The following EVA1A variants were observed in gnomAD, a reference collection of about 807,000 sequenced individuals.
The protein encoded by EVA1A is eva-1 homolog A, regulator of programmed cell death, also known as protein eva-1 homolog A.
In EVA1A, 7 loss-of-function variants were observed where a neutral mutation model predicts 9.8. That is an observed-to-expected ratio of 0.71 (90% CI 0.41 to 1.34). The LOEUF is 1.34. Among genes scored for constraint, EVA1A ranks in the 40% most tolerant of loss-of-function variants. The pLI is 0.01. For missense variants in EVA1A, 206 were observed against 205.9 expected (o/e 1.00, Z 0.00); for synonymous variants, 90 against 85.6 (o/e 1.05, Z -0.28).
chr2:75,524,108 C>T (rs1226251197), intron 1 of EVA1A: 10 of 152,832 alleles, frequency 6.5e-5, no homozygotes, highest in African/African-American at 2.4e-4. Context: ...ATGTTTGCTT[C>T]CCCTTCCACC....
At chr2:75,497,196 TTAAAC>T (rs1447081027) in intron 3 of EVA1A, among the ~76,000 whole-genome samples, 1 of 152,148 alleles carries the variant, frequency 6.6e-6, no homozygotes, top group Non-Finnish European at 1.5e-5. Flanking sequence ...TAGGATCTAA[TTAAAC>T]TAAAGAGCCT....
intron 2 of EVA1A, among the ~76,000 whole-genome samples, chr2:75,519,576 G>C (rs1675163568): frequency 6.6e-6 from 1 of 152,112 alleles, no homozygotes; most frequent in African/African-American, 2.4e-5. Flanking sequence ...ACTTTGAAAA[G>C]AGACTGGCTG....
intron 3 of EVA1A, among the ~76,000 whole-genome samples, chr2:75,514,544 A>C (rs767132020): frequency 1.3e-5 from 2 of 152,140 alleles, no homozygotes; most frequent in Non-Finnish European, 2.9e-5. Flanking sequence ...TGTTATTAAA[A>C]ATACAGTTAA....
intron 3 of EVA1A, among the ~76,000 whole-genome samples, chr2:75,499,972 T>C (rs1157666110): frequency 6.6e-6 from 1 of 152,238 alleles, no homozygotes; most frequent in Non-Finnish European, 1.5e-5. Context: ...TGTTCTTTCC[T>C]ATATTGGATC....
At chr2:75,518,317 G>T in intron 2 of EVA1A, 109 bp from the exon 3 acceptor site, 1 of 1,203,476 alleles carries the variant, frequency 8.3e-7, no homozygotes, top group Non-Finnish European at 1.1e-6. Context: ...TGATTTGCAG[G>T]TGTCCTTTGG....
chr2:75,559,697 T>TGGGGGGGGGGG (rs36059976), intron 1 of EVA1A, among the ~76,000 whole-genome samples: 1 of 78,786 alleles, frequency 1.3e-5, no homozygotes, highest in Non-Finnish European at 2.3e-5. Flanking sequence ...AGAAAGGAGG[T>TGGGGGGGGGGG]GGGGGGGGGG....
At chr2:75,558,274 C>T (rs943512365) in intron 1 of EVA1A, among the ~76,000 whole-genome samples, 7 of 152,142 alleles carry the variant, frequency 4.6e-5, no homozygotes, top group East Asian at 3.8e-4. Flanking sequence ...AGAGAAGGTA[C>T]GCTATTTCTT....
intron 1 of EVA1A, among the ~76,000 whole-genome samples, chr2:75,532,003 C>CA (rs201331053): frequency 0.027 from 4,121 of 151,568 alleles, 195 homozygotes; most frequent in African/African-American, 0.094. Flanking sequence ...ACTAAAAATA[C>CA]AAAAAAATTA....
chr2:75,565,731 A>G (rs1281362143), upstream of EVA1A, among the ~76,000 whole-genome samples: 2 of 152,234 alleles, frequency 1.3e-5, no homozygotes, highest in Non-Finnish European at 2.9e-5. Flanking sequence ...TGTAAAGCAA[A>G]TAATGAAAGA....
intron 3 of EVA1A, among the ~76,000 whole-genome samples, chr2:75,513,083 T>G (rs964630072): frequency 6.2e-4 from 94 of 152,280 alleles, no homozygotes; most frequent in African/African-American, 2.2e-3. Flanking sequence ...CAGCAGCCAT[T>G]TGGCAGCCAT....
chr2:75,523,168 C>A (rs1362910663), intron 1 of EVA1A, among the ~76,000 whole-genome samples: 4 of 152,226 alleles, frequency 2.6e-5, no homozygotes, highest in Non-Finnish European at 5.9e-5. Flanking sequence ...TGGCTTCCGA[C>A]TTCTGCTTAT....
At chr2:75,499,890 G>A (rs1177671694) in intron 3 of EVA1A, among the ~76,000 whole-genome samples, 1 of 152,166 alleles carries the variant, frequency 6.6e-6, no homozygotes, top group Admixed American at 6.5e-5. Flanking sequence ...GTGGGAACAT[G>A]TGCCTAAGAG....
At chr2:75,503,208 T>G (rs1241677799) in intron 3 of EVA1A, among the ~76,000 whole-genome samples, 3 of 152,154 alleles carry the variant, frequency 2.0e-5, no homozygotes, top group Non-Finnish European at 4.4e-5. Flanking sequence ...CTCTTCATCC[T>G]TTTCCCACAA....
intron 1 of EVA1A, among the ~76,000 whole-genome samples, chr2:75,557,048 C>T (rs187389779): frequency 9.9e-5 from 15 of 152,272 alleles, no homozygotes; most frequent in Middle Eastern, 3.4e-3. Context: ...CCTAAAAAAC[C>T]CACAAGGCTT....
At chr2:75,498,838 TC>T (rs1674308757) in intron 3 of EVA1A, among the ~76,000 whole-genome samples, 1 of 151,790 alleles carries the variant, frequency 6.6e-6, no homozygotes, top group Non-Finnish European at 1.5e-5. Flanking sequence ...CTTCTCAGAC[TC>T]ATTTGCTTAC....
chr2:75,515,336 G>A (rs1214264642), intron 3 of EVA1A, among the ~76,000 whole-genome samples: 2 of 152,202 alleles, frequency 1.3e-5, no homozygotes, highest in East Asian at 3.9e-4. Context: ...CACAAGATGT[G>A]TCCAGAAGTA....
intron 3 of EVA1A, among the ~76,000 whole-genome samples, chr2:75,498,494 A>T (rs1674292968): frequency 6.6e-6 from 1 of 152,204 alleles, no homozygotes; most frequent in South Asian, 2.1e-4. Flanking sequence ...AAGTAAAAAA[A>T]ACCCCAAAAA....
intron 3 of EVA1A, among the ~76,000 whole-genome samples, chr2:75,507,322 C>G (rs1192936081): frequency 6.6e-6 from 1 of 152,208 alleles, no homozygotes; most frequent in Non-Finnish European, 1.5e-5. Context: ...AAACCTGATG[C>G]AAGGTTGTGC....
chr2:75,553,562 G>A (rs1676598978), intron 1 of EVA1A, among the ~76,000 whole-genome samples: 1 of 152,200 alleles, frequency 6.6e-6, no homozygotes, highest in Non-Finnish European at 1.5e-5. Context: ...GGCACATGAA[G>A]GTGTCAATAA....
Sources: allele counts gnomAD v4.1 joint callset (sites outside exome capture counted in the v4.1 genomes callset), GRCh38; gene constraint gnomAD v4.1.1; transcripts MANE v1.5; gene names NCBI Gene and HGNC (gene_info 2026-07-23, HGNC 2026-07-21).